The following JPH3 variants were observed in gnomAD, a reference collection of about 807,000 sequenced individuals.
JPH3 encodes the protein junctophilin 3.
In JPH3, 11 loss-of-function variants were observed where a neutral mutation model predicts 59.6. That is an observed-to-expected ratio of 0.18 (90% confidence interval 0.12 to 0.31). JPH3 has a LOEUF of 0.31. Ranked by LOEUF, JPH3 falls within the 10% of genes least tolerant of loss-of-function variation. The probability of loss-of-function intolerance (pLI) is 1.00; values close to 1 mark genes in which losing one functional copy is unlikely to be tolerated. For synonymous variants in JPH3, 673 were observed against 483.6 expected (o/e 1.39, Z -5.14); for missense variants, 1,202 against 1,105.7 (o/e 1.09, Z -1.24).
Position 87,697,994 on chromosome 16 carries a change from T to C in JPH3, c.*1334T>C, listed in dbSNP as rs1192490124. On this transcript the variant is annotated 3_prime_UTR_variant, in exon 5 of 5. Coordinates refer to ENST00000284262, the MANE Select transcript of JPH3 (RefSeq NM_020655.4). ...GGGGAGGCGCTGCAGGGATTCCCCA[T>C]CCGGTCGTCTTGGGGCCAGCCCGTC... 6.6e-6 allele frequency: 1 copy of C among 152,638 alleles called. No individual in the cohort carries two copies. The highest frequency in any genetic ancestry group is 6.5e-5 in the Admixed American group (1 of 15,286). 9.5% of individuals were successfully genotyped at this position (152,638 alleles called of 1,614,324 possible).
chr16:87,655,351 C>G (rs541679613), intron 2 of JPH3, among the ~76,000 whole-genome samples: 2 of 50,132 alleles, frequency 4.0e-5, no homozygotes, highest in Admixed American at 6.0e-4. Context: ...TTTTTTGTGA[C>G]AGGGTGTTAT....
chr16:87,660,643 A>G (rs2032669902), intron 2 of JPH3, among the ~76,000 whole-genome samples: 1 of 152,112 alleles, frequency 6.6e-6, no homozygotes, highest in Non-Finnish European at 1.5e-5. Context: ...CTCGGGGCAA[A>G]GCCGCACCTC....
chr16:87,674,685 AAGG>A (rs775739514), intron 2 of JPH3, among the ~76,000 whole-genome samples: 30 of 152,354 alleles, frequency 2.0e-4, no homozygotes, highest in Non-Finnish European at 3.1e-4. Flanking sequence ...GAAGGGTTTG[AAGG>A]AGGAGTTTTA....
chr16:87,679,716 C>T (rs2033238000), intron 2 of JPH3, among the ~76,000 whole-genome samples: 1 of 152,238 alleles, frequency 6.6e-6, no homozygotes, highest in Non-Finnish European at 1.5e-5. Context: ...GCTCCTGGGC[C>T]AGGGCCCACC....
chr16:87,659,699 C>A (rs1189131557), intron 2 of JPH3, among the ~76,000 whole-genome samples: 1 of 151,976 alleles, frequency 6.6e-6, no homozygotes, highest in Non-Finnish European at 1.5e-5. Context: ...CACCACTGCA[C>A]TCCAGCCTGG....
rs560646236 is a variant in JPH3, at chr16:87,645,090, G to A, written c.1160+55G>A. On this transcript the variant is annotated intron_variant, in intron 2 of 4. Transcript: ENST00000284262. Reference sequence around the variant, plus strand: ...CTTGGTGCCCAGAAGGTGTTTGTGAGCCCAGTCTGTTCAGTCCTGCTGTCG... The same window carrying A: ...CTTGGTGCCCAGAAGGTGTTTGTGAACCCAGTCTGTTCAGTCCTGCTGTCG... 5 of 1,538,580 alleles carry A rather than the reference G, an allele frequency of 3.2e-6. No individual in the cohort carries two copies. In the East Asian group the frequency reaches 9.0e-5, roughly 28 times the overall value.
At chr16:87,683,887 T>C in intron 2 of JPH3, 1 of 458,104 alleles carries the variant, frequency 2.2e-6, no homozygotes, top group Non-Finnish European at 3.9e-6. Context: ...ATTACAGGCG[T>C]GAGCCACCAT....
intron 1 of JPH3, among the ~76,000 whole-genome samples, chr16:87,615,148 A>G (rs1298110892): frequency 6.6e-6 from 1 of 152,264 alleles, no homozygotes; most frequent in Non-Finnish European, 1.5e-5. Flanking sequence ...GAGGGTTCAC[A>G]GGTTCCCGGG....
intron 1 of JPH3, among the ~76,000 whole-genome samples, chr16:87,627,164 C>T (rs1597244366): frequency 6.6e-6 from 1 of 152,176 alleles, no homozygotes; most frequent in Non-Finnish European, 1.5e-5. Flanking sequence ...CCAACTCAAG[C>T]CTCTTTGCCC....
chr16:87,653,339 C>G (rs988131664), intron 2 of JPH3, among the ~76,000 whole-genome samples: 1 of 152,202 alleles, frequency 6.6e-6, no homozygotes, highest in African/African-American at 2.4e-5. Flanking sequence ...TGTCCCCGCT[C>G]TGCTCTCTGC....
At position 87,611,635 on chromosome 16, in the gene JPH3, G is replaced by A. The variant is rs2030735489; in HGVS notation, c.382+8107G>A. Among the ~76,000 whole-genome samples the A allele has an allele frequency of 6.6e-6, 1 of 151,936 alleles. No individual in the cohort carries two copies. Among genetic ancestry groups the A allele is most frequent in the Non-Finnish European group, 1.5e-5 (1 of 68,002 alleles). ...TCTGAGTTGGGCAGGACATGGGCCC[G>A]CCTCTGTCTGCTGCTCTATGCCAGT... On this transcript the variant is annotated intron_variant, in intron 1 of 4. Coordinates refer to ENST00000284262, the MANE Select transcript of JPH3 (RefSeq NM_020655.4). This position sits in a 1 kb window ranked among gnomAD's most constrained non-coding sequence, Gnocchi z 4.5.
chr16:87,689,852 G>C lies in JPH3; in HGVS notation c.1492G>C (p.Val498Leu), dbSNP rs766594684. The C allele has an allele frequency of 6.6e-7, 1 of 1,521,402 alleles. No homozygotes were observed. Among genetic ancestry groups the C allele is most frequent in the Non-Finnish European group, 8.8e-7 (1 of 1,135,158 alleles). 94.2% of individuals were successfully genotyped at this position (1,521,402 alleles called of 1,614,324 possible). A position where few individuals can be genotyped will look rare whatever the true frequency, so the allele number is the denominator to read the frequency against. The change falls in exon 4 of 5, where the codon GTC becomes CTC. Residue 498 changes from valine to leucine, a missense_variant. Physicochemically the swap from Val to Leu is conservative, Grantham distance 32. Coordinates refer to ENST00000284262, the MANE Select transcript of JPH3 (RefSeq NM_020655.4). ...PPPAPAARNK[V>L]AHFSRQVSVD... ...GCCCGCGCCCGCCGCCAGGAACAAG[G>C]TCGCCCACTTCTCGAGGCAGGTGTC... is the stretch of plus-strand genomic sequence containing the variant.
At chr16:87,686,267 A>T (rs898817103) in intron 3 of JPH3, among the ~76,000 whole-genome samples, 2 of 151,936 alleles carry the variant, frequency 1.3e-5, no homozygotes, top group Admixed American at 6.6e-5. Context: ...GGAGTCGGAG[A>T]TGCTTCCTGG....
intron 1 of JPH3, among the ~76,000 whole-genome samples, chr16:87,609,515 C>T (rs1022183795): frequency 5.3e-5 from 8 of 152,180 alleles, no homozygotes; most frequent in Admixed American, 1.3e-4. Flanking sequence ...CTGCGTGCCT[C>T]GGCCTCCCAA....
chr16:87,608,930 A>T (rs1349600122), intron 1 of JPH3, among the ~76,000 whole-genome samples: 2 of 152,236 alleles, frequency 1.3e-5, no homozygotes, highest in Non-Finnish European at 2.9e-5. Flanking sequence ...CCCACCACTC[A>T]GGAGGCTGAG....
At chr16:87,696,105 G>C (rs913305838) in intron 4 of JPH3, 1 of 457,744 alleles carries the variant, frequency 2.2e-6, no homozygotes, top group African/African-American at 2.0e-5. Context: ...GACTTTGGGA[G>C]TCCTCTGAGT....
intron 1 of JPH3, among the ~76,000 whole-genome samples, chr16:87,642,172 T>G (rs2031976007): frequency 6.6e-6 from 1 of 151,722 alleles, no homozygotes; most frequent in South Asian, 2.1e-4. Flanking sequence ...GCTACAGGAC[T>G]TTGAATTCCA....
chr16:87,690,114 C>T lies in JPH3; in HGVS notation c.1754C>T (p.Thr585Ile). ...GAGTCACCCCCCGTGTTCACGTGGA[C>T]TTCCCACCACCGGGCCAGCAACCAC... ...RTESPPVFTW[T>I]SHHRASNHSP... The change falls in exon 4 of 5, where the codon ACT becomes ATT. Residue 585 changes from threonine (T) to isoleucine (I), a missense_variant. Thr to Ile is a moderately conservative substitution (Grantham distance 89). Coordinates refer to ENST00000284262, the MANE Select transcript of JPH3 (RefSeq NM_020655.4). 6.3e-7 allele frequency: 1 copy of T among 1,581,522 alleles called. No homozygotes were observed. Among genetic ancestry groups the T allele is most frequent in the Non-Finnish European group, 8.6e-7 (1 of 1,163,942 alleles).
At chr16:87,663,027 C>T (rs895346129) in intron 2 of JPH3, among the ~76,000 whole-genome samples, 9 of 152,180 alleles carry the variant, frequency 5.9e-5, no homozygotes, top group African/African-American at 1.4e-4. Flanking sequence ...ACCATAAAAA[C>T]GCCATGTTGG....
Sources: allele counts gnomAD v4.1 joint callset (sites outside exome capture counted in the v4.1 genomes callset), GRCh38; gene constraint gnomAD v4.1.1; non-coding constraint Gnocchi (gnomAD v3.1); transcripts MANE v1.5; gene names NCBI Gene and HGNC (gene_info 2026-07-23, HGNC 2026-07-21).